The following SCNN1D variants were observed in gnomAD, a reference collection of about 807,000 sequenced individuals.
SCNN1D encodes the protein sodium channel epithelial 1 subunit delta.
SCNN1D carries 104 observed loss-of-function variants against 87.8 expected under a neutral mutation model. That is an observed-to-expected ratio of 1.18 (90% CI 1.01 to 1.39). SCNN1D has a LOEUF of 1.39. SCNN1D is among the 40% of genes most tolerant of loss of function. The pLI is 0.00. For missense variants in SCNN1D, 1,324 were observed against 1,093.9 expected (o/e 1.21, Z -2.97); for synonymous variants, 628 against 481.2 (o/e 1.31, Z -3.99).
intron 17 of SCNN1D, 39 bp from the exon 18 acceptor site, chr1:1,291,215 G>A: frequency 6.4e-7 from 1 of 1,574,612 alleles, no homozygotes; most frequent in South Asian, 1.1e-5. Flanking sequence ...GGGGCACGGG[G>A]GCCTGGGCCC....
Position 1,286,258 on chromosome 1 carries a change from G to A in SCNN1D, c.891G>A (p.Leu297=), listed in dbSNP as rs981226177. The A allele has an allele frequency of 1.0e-5, 16 of 1,586,472 alleles. No homozygotes were observed. Among genetic ancestry groups the A allele is most frequent in the African/African-American group, 1.3e-5 (1 of 74,598 alleles). The stretch of plus-strand genomic sequence containing the variant: ...GCAAGCTGCTCCCGCTGGTCACCCT[G>A]TGTGACGGGAACCCACGTCGGTGAG... ...SERKLLPLVT[L]CDGNPRRPSP... is the part of the protein sequence containing the mutation. The change falls in exon 7 of 18, where the codon CTG becomes CTA. Residue 297 remains leucine, a synonymous_variant. Coordinates refer to ENST00000379116, the MANE Select transcript of SCNN1D (RefSeq NM_001130413.4).
intron 7 of SCNN1D, 59 bp from the exon 8 acceptor site, chr1:1,286,701 ACTGGGATG>A: frequency 6.8e-7 from 1 of 1,471,932 alleles, no homozygotes; most frequent in African/African-American, 1.4e-5. Context: ...GACAGCACAC[ACTGGGATG>A]CTGGGGCCAG....
At position 1,285,923 on chromosome 1, in the gene SCNN1D, C is replaced by G; in HGVS notation, c.559-3C>G. 3.9e-6 allele frequency: 6 copies of G among 1,542,290 alleles called. No homozygotes were observed. The highest frequency in any genetic ancestry group is 5.3e-6 in the Non-Finnish European group (6 of 1,142,636). The stretch of plus-strand genomic sequence containing the variant: ...GGCCCTGCTGAGGCCACTCTGCACA[C>G]AGGCTGCAGCCCAGACGCCCCCCAG... On this transcript the variant is annotated splice_polypyrimidine_tract_variant and splice_region_variant and intron_variant, in intron 6 of 17. Transcript: ENST00000379116.
Position 1,281,555 on chromosome 1 carries a change from G to A in SCNN1D, c.222G>A (p.Val74=). ...GPCGFTSAGH[V]LCGYPLCLLS... ...GTGGATTCACCAGTGCTGGACATGT[G>A]CTCTGTGGCTACCCCCTCTGCCTAC... The change falls in exon 3 of 18, where the codon GTG becomes GTA. Residue 74 remains valine (V), a synonymous_variant. Coordinates refer to ENST00000379116, the MANE Select transcript of SCNN1D (RefSeq NM_001130413.4). 1.3e-6 allele frequency: 2 copies of A among 1,535,698 alleles called. No homozygotes were observed. Among genetic ancestry groups the A allele is most frequent in the East Asian group, 2.4e-5 (1 of 40,940 alleles).
chr1:1,291,242 C>T lies in SCNN1D; in HGVS notation c.2053-12C>T. 1 of 1,560,466 alleles carries T rather than the reference C, an allele frequency of 6.4e-7. No individual in the cohort carries two copies. Among genetic ancestry groups the T allele is most frequent in the Non-Finnish European group, 8.7e-7 (1 of 1,153,748 alleles). On this transcript the variant is annotated splice_polypyrimidine_tract_variant and intron_variant, in intron 17 of 17. Transcript: ENST00000379116. ...CCTGGGCCCGCCCCTCACACCCGCA[C>T]CCCACCCGCAGGTGCCGCAGCTGCT...
chr1:1,290,845 T>A, intron 15 of SCNN1D, 50 bp from the exon 16 acceptor site: 1 of 1,600,352 alleles, frequency 6.2e-7, no homozygotes, highest in Non-Finnish European at 8.5e-7. Flanking sequence ...GTACCCAGGA[T>A]GGCCGGGGGC....
At chr1:1,290,777 C>T in intron 15 of SCNN1D, 83 bp downstream of exon 15, 2 of 1,587,208 alleles carry the variant, frequency 1.3e-6, no homozygotes, top group Non-Finnish European at 8.6e-7. Context: ...AAGACAAGGG[C>T]AGGGCCGGAA....
At chr1:1,285,732 A>G (rs1265709857) in intron 6 of SCNN1D, 68 bp downstream of exon 6, 1 of 1,329,538 alleles carries the variant, frequency 7.5e-7, no homozygotes, top group African/African-American at 1.5e-5. Flanking sequence ...CTCAGCTCCA[A>G]GGCTACACTG....
rs1553159747 is a variant in SCNN1D at position 1,286,913 on chromosome 1, C to T, written c.1057C>T (p.Arg353Trp). ...CCACGAGCCCCCCTTCCACCTGGACCGGGAGATCCGTCTGCAGAGGCTGAG... is the reference window on the plus strand; with the variant it reads ...CCACGAGCCCCCCTTCCACCTGGACTGGGAGATCCGTCTGCAGAGGCTGAG... ...PRHEPPFHLD[R>W]EIRLQRLSHS... Residue 353 changes from arginine (R) to tryptophan (W), a missense_variant, in exon 8 of 18, where the codon CGG (arginine) becomes TGG (tryptophan). Arg to Trp is a moderately radical substitution (Grantham distance 101, BLOSUM62 -3). Coordinates refer to ENST00000379116, the MANE Select transcript of SCNN1D (RefSeq NM_001130413.4). 12 of 1,612,400 alleles carry T rather than the reference C, an allele frequency of 7.4e-6. No individual in the cohort carries two copies. The highest frequency in any genetic ancestry group is 3.3e-5 in the South Asian group (3 of 91,078).
At chr1:1,290,601 G>A in intron 14 of SCNN1D, 36 bp from the exon 15 acceptor site, 1 of 1,612,518 alleles carries the variant, frequency 6.2e-7, no homozygotes, top group Non-Finnish European at 8.5e-7. Flanking sequence ...ATTGCCCCAG[G>A]TAGCGTGGCA....
At chr1:1,283,300 C>T (rs1057064126) in intron 4 of SCNN1D, among the ~76,000 whole-genome samples, 3 of 152,176 alleles carry the variant, frequency 2.0e-5, no homozygotes, top group Non-Finnish European at 4.4e-5. Flanking sequence ...GACACTGGAT[C>T]TGGGAGCTGA....
chr1:1,285,537 G>T, intron 5 of SCNN1D, 34 bp from the exon 6 acceptor site: 1 of 1,391,594 alleles, frequency 7.2e-7, no homozygotes, highest in South Asian at 1.4e-5. Flanking sequence ...CACGCGGGGC[G>T]CATGGACACG....
At chr1:1,282,218 G>A in intron 3 of SCNN1D, 24 bp from the exon 4 acceptor site, 1 of 1,309,948 alleles carries the variant, frequency 7.6e-7, no homozygotes, top group Non-Finnish European at 1.1e-6. Flanking sequence ...CACACAGCCA[G>A]TGACGAAGCT....
At position 1,290,969 on chromosome 1, in the gene SCNN1D, C is replaced by T. The variant is rs1448474152; in HGVS notation, c.1976+16C>T. On this transcript the variant is annotated intron_variant, in intron 16 of 17. Transcript: ENST00000379116. ...ACAGACAGAGGTGGGTGCACCCTCCCCCTCCAGAGAGGCATCACAGCCCCT... is the reference window on the plus strand; with the variant it reads ...ACAGACAGAGGTGGGTGCACCCTCCTCCTCCAGAGAGGCATCACAGCCCCT... 1 of 1,601,364 alleles carries T rather than the reference C, an allele frequency of 6.2e-7. No individual in the cohort carries two copies. The highest frequency in any genetic ancestry group is 8.5e-7 in the Non-Finnish European group (1 of 1,174,490).
chr1:1,288,342 CCGTCCCCCGTGTCTCT>C (rs1640674033), intron 12 of SCNN1D, among the ~76,000 whole-genome samples: 1 of 72,870 alleles, frequency 1.4e-5, no homozygotes, highest in Admixed American at 1.5e-4. Context: ...TGTCTCTGCC[CCGTCCCCCGTGTCTCT>C]GCTCCGTCCC....
At position 1,281,445 on chromosome 1, in the gene SCNN1D, C is replaced by A; in HGVS notation, c.112C>A (p.Pro38Thr). The A allele has an allele frequency of 1.3e-6, 2 of 1,519,820 alleles. No individual in the cohort carries two copies. Among genetic ancestry groups the A allele is most frequent in the South Asian group, 2.5e-5 (2 of 81,294 alleles). 94.1% of individuals were successfully genotyped at this position (1,519,820 alleles called of 1,614,324 possible). The change falls in exon 3 of 18, where the codon CCC becomes ACC. Residue 38 changes from proline to threonine, a missense_variant. Physicochemically the swap from Pro to Thr is conservative, Grantham distance 38 (BLOSUM62 -1). Coordinates refer to ENST00000379116, the MANE Select transcript of SCNN1D (RefSeq NM_001130413.4). ...GTCATGGTGCAGTGACCACAGGACCCCCACATGCCGGGAGCTGGGTTCGCC... is the reference window on the plus strand; with the variant it reads ...GTCATGGTGCAGTGACCACAGGACCACCACATGCCGGGAGCTGGGTTCGCC... ...TWSWCSDHRT[P>T]TCRELGSPHP...
rs1242395521 is a variant in SCNN1D, at chr1:1,287,270, C to CA, written c.1282dup (p.Ser428LysfsTer48). ...AGGACGGCCACTTCGTCCTCTCCTG[C>CA]AGTTACGATGGCCTGGACTGCCAGG... On this transcript the variant is annotated frameshift_variant, in exon 9 of 18. Coordinates refer to ENST00000379116, the MANE Select transcript of SCNN1D (RefSeq NM_001130413.4). LOFTEE classifies it high-confidence loss of function. The CA allele has an allele frequency of 1.2e-6, 2 of 1,604,716 alleles. No individual in the cohort carries two copies. The highest frequency in any genetic ancestry group is 1.7e-6 in the Non-Finnish European group (2 of 1,175,128).
chr1:1,286,144 C>T lies in SCNN1D; in HGVS notation c.777C>T (p.Ala259=), dbSNP rs766696494. The T allele has an allele frequency of 2.5e-6, 4 of 1,609,444 alleles. No individual in the cohort carries two copies. The highest frequency in any genetic ancestry group is 3.3e-5 in the Admixed American group (2 of 59,746). ...TTSWGLLSLG[A]LVALCWQLGL... The stretch of plus-strand genomic sequence containing the variant: ...CCTGGGGGCTGCTGTCCCTGGGAGC[C>T]CTGGTCGCGCTCTGCTGGCAGCTGG... The change falls in exon 7 of 18, where the codon GCC becomes GCT. Residue 259 remains alanine (A), a synonymous_variant. Coordinates refer to ENST00000379116, the MANE Select transcript of SCNN1D (RefSeq NM_001130413.4).
intron 12 of SCNN1D, among the ~76,000 whole-genome samples, chr1:1,288,313 G>A (rs1435947901): frequency 6.1e-5 from 4 of 65,920 alleles, no homozygotes; most frequent in Non-Finnish European, 6.7e-5. Flanking sequence ...GCTCCGTCCC[G>A]TGTCCCTGCT....
Sources: allele counts gnomAD v4.1 joint callset (sites outside exome capture counted in the v4.1 genomes callset), GRCh38; gene constraint gnomAD v4.1.1; transcripts MANE v1.5; gene names NCBI Gene and HGNC (gene_info 2026-07-23, HGNC 2026-07-21).